The following PRKCE variants were observed in gnomAD, a reference collection of about 807,000 sequenced individuals.
PRKCE encodes protein kinase C epsilon.
PRKCE carries 16 observed loss-of-function variants against 85.4 expected under a neutral mutation model. The ratio of observed to expected loss-of-function variants is 0.19; its 90% confidence interval spans 0.13 to 0.28. The LOEUF is 0.28. Ranked by LOEUF, PRKCE falls within the 10% of genes least tolerant of loss-of-function variation. The pLI, the probability that PRKCE is intolerant of heterozygous loss-of-function variation, is 1.00. For synonymous variants in PRKCE, 388 were observed against 371.5 expected (o/e 1.04, Z -0.51); for missense variants, 573 against 975.2 (o/e 0.59, Z 5.49).
chr2:45,901,112 A>G (rs973197954), intron 2 of PRKCE, among the ~76,000 whole-genome samples: 3 of 152,184 alleles, frequency 2.0e-5, no homozygotes, highest in Middle Eastern at 3.2e-3. Context: ...ATGATTTGAT[A>G]TCATAAACTC....
chr2:45,701,829 C>T (rs189516111), intron 1 of PRKCE, among the ~76,000 whole-genome samples: 46 of 152,216 alleles, frequency 3.0e-4, no homozygotes, highest in Middle Eastern at 6.8e-3. Context: ...TTAGAGACAC[C>T]GACGAGTCTA....
At chr2:45,727,758 G>A (rs989825128) in intron 1 of PRKCE, among the ~76,000 whole-genome samples, 4 of 152,274 alleles carry the variant, frequency 2.6e-5, no homozygotes, top group South Asian at 2.1e-4. Context: ...GGGTTCAAGC[G>A]ATTCTCCCGC....
At position 46,184,698 on chromosome 2, in the gene PRKCE, C is replaced by A; in HGVS notation, c.2068-37C>A. ...CATGGGGGGCCCTCAGGAGGGAGAG[C>A]AGCCTCAACTCACCACTTTCTCTTT... On this transcript the variant is annotated intron_variant, in intron 14 of 14. Coordinates refer to ENST00000306156, the MANE Select transcript of PRKCE (RefSeq NM_005400.3). The surrounding 1 kb of genome is among the most constrained non-coding windows in gnomAD (Gnocchi z 5.0). The A allele has an allele frequency of 6.3e-7, 1 of 1,592,794 alleles. No individual in the cohort carries two copies.
chr2:45,784,904 C>T (rs767349809), intron 1 of PRKCE, among the ~76,000 whole-genome samples: 56 of 152,284 alleles, frequency 3.7e-4, no homozygotes, highest in Non-Finnish European at 6.8e-4. Context: ...ATTTGTCAAA[C>T]TCAGCAAACT....
chr2:45,797,419 G>A (rs1167524235), intron 1 of PRKCE, among the ~76,000 whole-genome samples: 1 of 152,188 alleles, frequency 6.6e-6, no homozygotes, highest in Non-Finnish European at 1.5e-5. Context: ...TACACCTGTG[G>A]ACCCAGTTCC....
chr2:45,832,398 C>T (rs1055118215), intron 1 of PRKCE, among the ~76,000 whole-genome samples: 5 of 150,528 alleles, frequency 3.3e-5, no homozygotes, highest in Non-Finnish European at 5.9e-5. Flanking sequence ...CTGCAACCTC[C>T]GGCTCTTGGG....
At chr2:45,832,042 T>G (rs1690467884) in intron 1 of PRKCE, among the ~76,000 whole-genome samples, 1 of 152,224 alleles carries the variant, frequency 6.6e-6, no homozygotes, top group African/African-American at 2.4e-5. Flanking sequence ...TTTATAGTTT[T>G]TTATAAAACT....
intron 6 of PRKCE, among the ~76,000 whole-genome samples, chr2:45,993,091 G>T (rs1703937289): frequency 1.3e-5 from 2 of 152,108 alleles, no homozygotes; most frequent in Non-Finnish European, 2.9e-5. Context: ...CCTAGGGCTG[G>T]GAGTGGATTG....
rs566073470 is a variant in PRKCE, at chr2:46,001,374, T to TA, written c.824-29dup. On this transcript the variant is annotated intron_variant, in intron 6 of 14. Transcript: ENST00000306156. The surrounding 1 kb of genome is among the most constrained non-coding windows in gnomAD (Gnocchi z 4.4). ...AGCAACATCTTAGGCCATGAACACT[T>TA]ATCTGTCTTTTCTCCATGTCTCCTT... 422 of 1,587,120 alleles carry TA rather than the reference T, an allele frequency of 2.7e-4. 6 individuals carry two copies. In the East Asian group the frequency reaches 9.4e-3, roughly 35 times the overall value.
chr2:46,018,968 A>T (rs1484883154), intron 10 of PRKCE, among the ~76,000 whole-genome samples: 1 of 152,230 alleles, frequency 6.6e-6, no homozygotes, highest in African/African-American at 2.4e-5. Context: ...AGTGCTGGCC[A>T]GTGATGGTGC....
rs1456391571 is a variant in PRKCE at position 45,884,990 on chromosome 2, TATATATA to T, written c.412+41928_412+41934del. ...ATATATATATATATATATATATATA[TATATATA>T]TATATTTGTTGTTGTTGTTGTTGTT... On this transcript the variant is annotated intron_variant, in intron 2 of 14. Coordinates refer to ENST00000306156, the MANE Select transcript of PRKCE (RefSeq NM_005400.3). Among the ~76,000 whole-genome samples, 313 of 70,242 alleles carry T rather than the reference TATATATA, an allele frequency of 4.5e-3. 8 individuals are homozygous for T. The highest frequency in any genetic ancestry group is 7.2e-3 in the Non-Finnish European group (242 of 33,566). The allele number at this position is 70,242 out of a possible 152,430, so 46.1% of individuals were successfully genotyped here.
chr2:45,716,584 AAAGGAAGG>A (rs796876261), intron 1 of PRKCE, among the ~76,000 whole-genome samples: 1 of 150,986 alleles, frequency 6.6e-6, no homozygotes, highest in African/African-American at 2.4e-5. Flanking sequence ...AGAAAGGAAG[AAAGGAAGG>A]AAGGAAGGAG....
chr2:46,139,272 A>T lies in PRKCE; in HGVS notation c.1593-5821A>T, dbSNP rs1675281921. ...TAATAGCAGACAATTTGAAAAATCC[A>T]GGAGAATCAACTGGAAAACTGTTAC... On this transcript the variant is annotated intron_variant, in intron 11 of 14. Transcript: ENST00000306156. The surrounding 1 kb of genome is among the most constrained non-coding windows in gnomAD (Gnocchi z 5.2). Among the ~76,000 whole-genome samples the T allele has an allele frequency of 6.6e-6, 1 of 152,234 alleles. No individual in the cohort carries two copies. The highest frequency in any genetic ancestry group is 2.1e-4 in the South Asian group (1 of 4,834).
At chr2:45,845,578 A>T (rs1027488157) in intron 2 of PRKCE, 1 of 152,164 alleles carries the variant, frequency 6.6e-6, no homozygotes, top group African/African-American at 2.4e-5. Context: ...ACACATGCAA[A>T]TTCCAAGGAG....
At chr2:46,165,808 T>TG (rs1417054252) in intron 14 of PRKCE, among the ~76,000 whole-genome samples, 1 of 152,106 alleles carries the variant, frequency 6.6e-6, no homozygotes, top group African/African-American at 2.4e-5. Flanking sequence ...AGCACTGGAA[T>TG]GGGGGGAAGC....
In PRKCE at chr2:46,128,721, A is replaced by G. The variant is rs149858538; in HGVS notation, c.1593-16372A>G. ...CCCAAAGATAGATCTGTGGTTGACCATTAAAAATAAGGTTGATAAGCCAAT... is the reference window on the plus strand; with the variant it reads ...CCCAAAGATAGATCTGTGGTTGACCGTTAAAAATAAGGTTGATAAGCCAAT... On this transcript the variant is annotated intron_variant, in intron 11 of 14. Transcript: ENST00000306156. Among the ~76,000 whole-genome samples the G allele has an allele frequency of 4.6e-5, 7 of 152,340 alleles. No individual in the cohort carries two copies. The East Asian group carries it at 1.2e-3, about 25-fold the overall frequency.
chr2:46,183,528 C>T (rs1680198424), intron 14 of PRKCE, among the ~76,000 whole-genome samples: 1 of 152,206 alleles, frequency 6.6e-6, no homozygotes, highest in Non-Finnish European at 1.5e-5. Flanking sequence ...TGCCTTTAAT[C>T]TTCTGGGCAT....
chr2:45,748,762 G>A (rs1311578392), intron 1 of PRKCE, among the ~76,000 whole-genome samples: 2 of 152,246 alleles, frequency 1.3e-5, no homozygotes, highest in East Asian at 3.8e-4. Flanking sequence ...CCCTGAAGGA[G>A]TAGCCCCTAC....
chr2:45,783,643 C>T (rs185017893), intron 1 of PRKCE, among the ~76,000 whole-genome samples: 6 of 152,316 alleles, frequency 3.9e-5, no homozygotes, highest in Admixed American at 2.6e-4. Context: ...AACTAAAACA[C>T]AAGTTAGGCT....
Sources: allele counts gnomAD v4.1 joint callset (sites outside exome capture counted in the v4.1 genomes callset), GRCh38; gene constraint gnomAD v4.1.1; non-coding constraint Gnocchi (gnomAD v3.1); transcripts MANE v1.5; gene names NCBI Gene and HGNC (gene_info 2026-07-23, HGNC 2026-07-21).